Variants in TTK observed in about 807,000 individuals in gnomAD.
The protein encoded by TTK is dual specificity protein kinase TTK.
Under a neutral mutation model 117.3 loss-of-function variants are expected in TTK, and 59 were observed. The ratio of observed to expected loss-of-function variants is 0.50; its 90% CI spans 0.41 to 0.62. TTK has a LOEUF of 0.62. Among genes scored for constraint, TTK ranks in the 20% least tolerant of loss-of-function variants. The pLI is 0.00. For synonymous variants in TTK, 302 were observed against 325.0 expected, an observed-to-expected ratio of 0.93 and a Z score of 0.76; for missense variants, 921 against 989.4, an observed-to-expected ratio of 0.93 and a Z score of 0.93.
intron 16 of TTK, 124 bp from the exon 17 acceptor site, chr6:80,036,351 A>G (rs2127683006): frequency 4.2e-6 from 5 of 1,181,684 alleles, no homozygotes; most frequent in Non-Finnish European, 4.6e-6. Context: ...GAATATATAA[A>G]AAAATTATTG....
At chr6:80,039,148 A>T (rs901146556) in intron 18 of TTK, among the ~76,000 whole-genome samples, 3 of 152,082 alleles carry the variant, frequency 2.0e-5, no homozygotes, top group African/African-American at 7.2e-5. Context: ...TATTTAAAAG[A>T]ATTGCTAACT....
rs200105879 is a variant in TTK, at chr6:80,028,030, A to G, written c.1521+19A>G. 4.4e-6 allele frequency: 7 copies of G among 1,577,962 alleles called. No individual in the cohort carries two copies. The highest frequency in any genetic ancestry group is 1.7e-4 in the Middle Eastern group (1 of 5,884). ...TTTACAGGTTCGATAAGCTTTATAT[A>G]TGATGGTATATGTTAAGATACAGTC... On this transcript the variant is annotated intron_variant, in intron 13 of 21. Coordinates refer to ENST00000369798, the MANE Select transcript of TTK (RefSeq NM_003318.5).
At chr6:80,024,393 A>T (rs1368592032) in intron 11 of TTK, among the ~76,000 whole-genome samples, 1 of 152,250 alleles carries the variant, frequency 6.6e-6, no homozygotes, top group African/African-American at 2.4e-5. Context: ...AATGTGGTAC[A>T]TCCATACAAT....
At position 80,005,089 on chromosome 6, in the gene TTK, G is replaced by A. The variant is rs111959256; in HGVS notation, c.-3+376G>A. ...TTATCTTTCAAACCTGACTTAAGAG[G>A]TGGAGTGATACCTTGCTGCAACTTT... On this transcript the variant is annotated intron_variant, in intron 1 of 21. Coordinates refer to ENST00000369798, the MANE Select transcript of TTK (RefSeq NM_003318.5). 2.5e-3 allele frequency among the ~76,000 whole-genome samples: 382 copies of A among 152,288 alleles called. 3 individuals are homozygous for A. Among genetic ancestry groups the A allele is most frequent in the African/African-American group, 8.1e-3 (336 of 41,562 alleles).
chr6:80,037,434 G>A (rs753641186), intron 17 of TTK: 1 of 152,230 alleles, frequency 6.6e-6, no homozygotes, highest in Non-Finnish European at 1.5e-5. Flanking sequence ...TGTAAGGTTG[G>A]CATATCCTAC....
chr6:80,034,543 G>T (rs970578543), intron 14 of TTK, among the ~76,000 whole-genome samples: 64 of 152,174 alleles, frequency 4.2e-4, no homozygotes, highest in Non-Finnish European at 8.5e-4. Flanking sequence ...GCCGAGGCTG[G>T]ACTCAAACTG....
intron 8 of TTK, among the ~76,000 whole-genome samples, chr6:80,012,547 A>C (rs557197044): frequency 1.9e-4 from 29 of 152,082 alleles, no homozygotes; most frequent in African/African-American, 6.7e-4. Flanking sequence ...CAGCTAAAGG[A>C]GAGTTATTTT....
intron 4 of TTK, among the ~76,000 whole-genome samples, chr6:80,009,655 C>G (rs925533500): frequency 2.0e-5 from 3 of 152,014 alleles, no homozygotes; most frequent in Non-Finnish European, 4.4e-5. Context: ...TTTATCTATA[C>G]CACTTTATCT....
intron 17 of TTK, 44 bp downstream of exon 17, chr6:80,036,643 TTTTTACCTGTGAAG>T (rs750048488): frequency 6.5e-7 from 1 of 1,546,092 alleles, no homozygotes; most frequent in Non-Finnish European, 8.7e-7. Context: ...TTCAATTCTT[TTTTTACCTGTGAAG>T]TATTATATTG....
intron 4 of TTK, 116 bp from the exon 5 acceptor site, chr6:80,010,698 T>C: frequency 4.8e-6 from 5 of 1,036,414 alleles, no homozygotes; most frequent in Non-Finnish European, 5.4e-6. Context: ...GGAATAAATA[T>C]TTTTGCTTAA....
chr6:80,019,079 T>C (rs1449638872), intron 10 of TTK, among the ~76,000 whole-genome samples: 1 of 152,232 alleles, frequency 6.6e-6, no homozygotes, highest in Non-Finnish European at 1.5e-5. Flanking sequence ...TATCAATTGC[T>C]AATATTTCGT....
At chr6:80,028,916 G>A (rs151660) in intron 13 of TTK, among the ~76,000 whole-genome samples, 73,835 of 151,782 alleles carry the variant, frequency 0.49, 18,628 homozygotes, top group East Asian at 0.64. Flanking sequence ...TCTTTTGCAA[G>A]TTACCTAAAT....
intron 21 of TTK, 28 bp from the exon 22 acceptor site, chr6:80,042,091 A>G: frequency 1.3e-6 from 2 of 1,491,538 alleles, no homozygotes; most frequent in Non-Finnish European, 1.8e-6. Context: ...AAAAAATTGC[A>G]AAACAGATTT....
chr6:80,028,871 A>G (rs1006216371), intron 13 of TTK, among the ~76,000 whole-genome samples: 1 of 152,186 alleles, frequency 6.6e-6, no homozygotes. Flanking sequence ...GACACTGGGC[A>G]TGAATCTTAG....
chr6:80,024,881 T>G (rs1221101340), intron 11 of TTK, among the ~76,000 whole-genome samples: 1 of 151,944 alleles, frequency 6.6e-6, no homozygotes, highest in African/African-American at 2.4e-5. Flanking sequence ...TTCTTCCTCT[T>G]TCTTGCAAAA....
At chr6:80,006,041 G>A (rs1766984745) in intron 2 of TTK, 59 bp downstream of exon 2, 1 of 1,550,598 alleles carries the variant, frequency 6.4e-7, no homozygotes, top group African/African-American at 1.4e-5. Flanking sequence ...CTAAGGTAAA[G>A]ATATAGTACT....
intron 13 of TTK, among the ~76,000 whole-genome samples, chr6:80,028,325 ATTT>A (rs1767662653): frequency 2.7e-5 from 4 of 150,586 alleles, no homozygotes; most frequent in African/African-American, 9.8e-5. Flanking sequence ...TTATTTATTT[ATTT>A]ATTTTTTGAG....
intron 5 of TTK, among the ~76,000 whole-genome samples, 198 bp downstream of exon 5, chr6:80,011,155 G>A (rs1244999340): frequency 6.6e-6 from 1 of 151,000 alleles, no homozygotes; most frequent in Non-Finnish European, 1.5e-5. Context: ...CTAAACTTTC[G>A]TTAACACATG....
chr6:80,010,305 T>C (rs1767107410), intron 4 of TTK, among the ~76,000 whole-genome samples: 1 of 151,940 alleles, frequency 6.6e-6, no homozygotes, highest in Non-Finnish European at 1.5e-5. Flanking sequence ...TCTGTATTTA[T>C]TATGTTTTTC....
Sources: allele counts gnomAD v4.1 joint callset (sites outside exome capture counted in the v4.1 genomes callset), GRCh38; gene constraint gnomAD v4.1.1; transcripts MANE v1.5; gene names NCBI Gene and HGNC (gene_info 2026-07-23, HGNC 2026-07-21).